NRXN3: variants seen among roughly 807,000 people sequenced by gnomAD.
NRXN3 encodes neurexin III.
A neutral mutation model predicts 137.6 loss-of-function variants in NRXN3; 32 were observed. That is an observed-to-expected ratio of 0.23 (90% CI 0.18 to 0.31). NRXN3 has a LOEUF of 0.31. Ranked by LOEUF, NRXN3 falls within the 10% of genes least tolerant of loss-of-function variation. NRXN3 has a pLI of 1.00. For missense variants in NRXN3, 1,574 were observed against 2,062.5 expected (o/e 0.76, Z 4.59); for synonymous variants, 798 against 784.5 (o/e 1.02, Z -0.29).
Position 79,243,646 on chromosome 14 carries a change from T to A in NRXN3, c.3263-223575T>A, listed in dbSNP as rs999617738. ...CTAGACGATATAGCCTGTTGCTATA[T>A]GGTACAGCCTATTGTTCCTAGGCTA... On this transcript the variant is annotated intron_variant, in intron 15 of 20. Coordinates refer to ENST00000335750, the MANE Select transcript of NRXN3 (RefSeq NM_001330195.2). 3.3e-5 allele frequency among the ~76,000 whole-genome samples: 5 copies of A among 152,286 alleles called. No homozygotes were observed. In the East Asian group the frequency reaches 9.7e-4, roughly 29 times the overall value.
At chr14:79,527,998 G>C (rs1368626399) in intron 16 of NRXN3, among the ~76,000 whole-genome samples, 1 of 152,074 alleles carries the variant, frequency 6.6e-6, no homozygotes, top group African/African-American at 2.4e-5. Flanking sequence ...TTGCTGATGG[G>C]GTTGATGGGG....
chr14:78,759,010 A>C lies in NRXN3; in HGVS notation c.2044+43871A>C, dbSNP rs2098681359. Among the ~76,000 whole-genome samples, 4 of 152,204 alleles carry C rather than the reference A, an allele frequency of 2.6e-5. No individual in the cohort carries two copies. The South Asian group carries it at 8.3e-4, about 32-fold the overall frequency. On this transcript the variant is annotated intron_variant, in intron 8 of 20. Transcript: ENST00000335750. ...AGAGGGACTTTTCAGCAATTCATTT[A>C]CCTCCCTAGTTTTGACCTTCCTCAG... is the stretch of plus-strand genomic sequence containing the variant.
intron 8 of NRXN3, among the ~76,000 whole-genome samples, chr14:78,722,559 G>A (rs1050509592): frequency 1.3e-5 from 2 of 152,108 alleles, no homozygotes; most frequent in African/African-American, 2.4e-5. Context: ...AAGAAGAAAG[G>A]AAAGTTAAAA....
intron 17 of NRXN3, among the ~76,000 whole-genome samples, chr14:79,686,591 C>T (rs965692318): frequency 6.6e-6 from 1 of 152,024 alleles, no homozygotes; most frequent in Non-Finnish European, 1.5e-5. Flanking sequence ...TAGATATTAC[C>T]TTTTTTAAAA....
At chr14:78,423,728 A>G (rs933681971) in intron 4 of NRXN3, among the ~76,000 whole-genome samples, 8 of 152,254 alleles carry the variant, frequency 5.3e-5, no homozygotes, top group African/African-American at 1.9e-4. Flanking sequence ...GCTAGAAAGT[A>G]TTACGTTGGT....
intron 3 of NRXN3, among the ~76,000 whole-genome samples, chr14:78,294,670 A>G (rs2076146822): frequency 6.6e-6 from 1 of 152,102 alleles, no homozygotes; most frequent in East Asian, 1.9e-4. Context: ...AAATTTTATG[A>G]TAGGAAAATC....
intron 20 of NRXN3, among the ~76,000 whole-genome samples, chr14:79,807,511 TA>T: frequency 6.6e-6 from 1 of 152,306 alleles, no homozygotes; most frequent in East Asian, 1.9e-4. Flanking sequence ...TTGAATAGCG[TA>T]AACCTGAATG....
intron 15 of NRXN3, among the ~76,000 whole-genome samples, chr14:79,007,199 T>G (rs2152373440): frequency 6.6e-6 from 1 of 152,254 alleles, no homozygotes; most frequent in South Asian, 2.1e-4. Flanking sequence ...ATTTTGGTGG[T>G]TTTGTTTAAA....
intron 15 of NRXN3, among the ~76,000 whole-genome samples, chr14:79,300,963 G>T (rs2085042138): frequency 6.6e-6 from 1 of 152,088 alleles, no homozygotes; most frequent in African/African-American, 2.4e-5. Flanking sequence ...AGCTGAGAAT[G>T]AGGCCACACG....
At chr14:78,573,061 G>C (rs1432840934) in intron 4 of NRXN3, among the ~76,000 whole-genome samples, 1 of 152,132 alleles carries the variant, frequency 6.6e-6, no homozygotes, top group Non-Finnish European at 1.5e-5. Context: ...ATGGTATAAG[G>C]GGGTATAAGA....
At chr14:78,415,372 C>G (rs1205479920) in intron 4 of NRXN3, among the ~76,000 whole-genome samples, 1 of 152,150 alleles carries the variant, frequency 6.6e-6, no homozygotes, top group South Asian at 2.1e-4. Flanking sequence ...AACAAACTGT[C>G]ACAACATTTG....
chr14:79,105,817 G>A (rs1172372683), intron 15 of NRXN3, among the ~76,000 whole-genome samples: 1 of 152,104 alleles, frequency 6.6e-6, no homozygotes, highest in East Asian at 1.9e-4. Context: ...GTTCACAAGA[G>A]TGAAAGTAAG....
chr14:79,303,640 G>T (rs2153224579), intron 15 of NRXN3, among the ~76,000 whole-genome samples: 1 of 152,042 alleles, frequency 6.6e-6, no homozygotes, highest in Middle Eastern at 3.4e-3. Flanking sequence ...GTTGGGGGTG[G>T]GGGGCTAAAG....
intron 19 of NRXN3, among the ~76,000 whole-genome samples, chr14:79,787,114 G>A (rs2099131588): frequency 6.6e-6 from 1 of 152,136 alleles, no homozygotes; most frequent in South Asian, 2.1e-4. Flanking sequence ...CTATAGTCCT[G>A]CAAATAAGAA....
chr14:78,743,622 C>T (rs185076839), intron 8 of NRXN3, among the ~76,000 whole-genome samples: 14 of 152,280 alleles, frequency 9.2e-5, no homozygotes, highest in Non-Finnish European at 1.5e-4. Context: ...GGTATCAAAA[C>T]TAGATATCTG....
intron 16 of NRXN3, among the ~76,000 whole-genome samples, chr14:79,534,250 C>T (rs896730663): frequency 2.6e-5 from 4 of 152,108 alleles, no homozygotes; most frequent in Admixed American, 2.6e-4. Context: ...GGTTTAGCTG[C>T]CCAATTTATG....
chr14:79,834,021 G>T (rs994689311), intron 20 of NRXN3, among the ~76,000 whole-genome samples: 2 of 152,028 alleles, frequency 1.3e-5, no homozygotes, highest in African/African-American at 4.8e-5. Context: ...ATGAAAGAAC[G>T]TTTGTGTTAC....
intron 15 of NRXN3, among the ~76,000 whole-genome samples, chr14:79,265,515 G>T (rs2078331362): frequency 4.6e-5 from 7 of 151,894 alleles, no homozygotes; most frequent in Admixed American, 4.6e-4. Context: ...TATTCTTAAA[G>T]CCTCACCACG....
chr14:79,792,543 G>C (rs1268326680), intron 19 of NRXN3, among the ~76,000 whole-genome samples: 2 of 152,074 alleles, frequency 1.3e-5, no homozygotes, highest in Non-Finnish European at 2.9e-5. Flanking sequence ...AAAGAATCTA[G>C]AAAAACTAAA....
Sources: allele counts gnomAD v4.1 joint callset (sites outside exome capture counted in the v4.1 genomes callset), GRCh38; gene constraint gnomAD v4.1.1; transcripts MANE v1.5; gene names NCBI Gene and HGNC (gene_info 2026-07-23, HGNC 2026-07-21).